The following ZNF695 variants were observed in gnomAD, a reference collection of about 807,000 sequenced individuals.
The protein encoded by ZNF695 is zinc finger protein SBZF3.
Under a neutral mutation model 11.2 loss-of-function variants are expected in ZNF695, and 11 were observed. That is an observed-to-expected ratio of 0.98 (90% CI 0.62 to 1.62). ZNF695 has a LOEUF of 1.62. ZNF695 is among the 40% of genes most tolerant of loss of function. The probability of loss-of-function intolerance (pLI) is 0.00; values close to 1 mark genes in which losing one functional copy is unlikely to be tolerated. For synonymous variants in ZNF695, 190 were observed against 201.4 expected, an observed-to-expected ratio of 0.94 and a Z score of 0.48; for missense variants, 559 against 590.5, an observed-to-expected ratio of 0.95 and a Z score of 0.55.
intron 3 of ZNF695, among the ~76,000 whole-genome samples, chr1:246,994,401 C>T (rs1361260200): frequency 3.3e-5 from 5 of 152,112 alleles, no homozygotes; most frequent in South Asian, 2.1e-4. Context: ...ATTAGCTGGG[C>T]GTGGTGGCAC....
intron 3 of ZNF695, chr1:246,996,058 C>T (rs1307069055): frequency 2.2e-6 from 1 of 452,578 alleles, no homozygotes; most frequent in Non-Finnish European, 4.4e-6. Flanking sequence ...TCAGAATACA[C>T]AAATAGGCTG....
chr1:246,949,254 AT>A (rs1402848061), intron 5 of ZNF695, among the ~76,000 whole-genome samples: 1 of 152,116 alleles, frequency 6.6e-6, no homozygotes, highest in African/African-American at 2.4e-5. Flanking sequence ...GGTTCAATCC[AT>A]TTATGTTGGA....
chr1:246,959,819 A>G (rs889878925), intron 5 of ZNF695, among the ~76,000 whole-genome samples: 18 of 152,168 alleles, frequency 1.2e-4, no homozygotes, highest in African/African-American at 3.6e-4. Context: ...GGAAATTAAC[A>G]GCTAGATGTT....
intron 1 of ZNF695, among the ~76,000 whole-genome samples, chr1:247,005,879 C>T (rs1339817041): frequency 6.6e-6 from 1 of 152,188 alleles, no homozygotes; most frequent in Admixed American, 6.5e-5. Flanking sequence ...AGTGATTATT[C>T]TCTGCTTTCT....
chr1:246,995,877 G>A, intron 3 of ZNF695: 2 of 249,168 alleles, frequency 8.0e-6, no homozygotes, highest in South Asian at 7.4e-5. Context: ...TTGGCATAAA[G>A]GCAGACAGTT....
intron 1 of ZNF695, among the ~76,000 whole-genome samples, chr1:247,007,599 T>C (rs1669578080): frequency 6.6e-6 from 1 of 150,606 alleles, no homozygotes; most frequent in Non-Finnish European, 1.5e-5. Flanking sequence ...AACCCCTCCG[T>C]CATCACAGCA....
intron 5 of ZNF695, among the ~76,000 whole-genome samples, chr1:246,951,382 G>A (rs1667866488): frequency 6.6e-6 from 1 of 152,182 alleles, no homozygotes; most frequent in African/African-American, 2.4e-5. Flanking sequence ...TGGCCACGTC[G>A]AAGGTGGTGG....
intron 5 of ZNF695, among the ~76,000 whole-genome samples, chr1:246,956,396 ACTTGAGGTCAGGAGTTTG>A (rs1668002720): frequency 2.0e-5 from 3 of 150,508 alleles, no homozygotes; most frequent in Non-Finnish European, 4.4e-5. Flanking sequence ...CAGGCAGATC[ACTTGAGGTCAGGAGTTTG>A]AGACCAGCCT....
At chr1:246,990,819 T>C (rs55716934) in intron 3 of ZNF695, among the ~76,000 whole-genome samples, 3,576 of 152,238 alleles carry the variant, frequency 0.023, 137 homozygotes, top group African/African-American at 0.079. Context: ...TTCAAAACTA[T>C]ACAAATACAT....
chr1:246,980,963 T>A (rs995380351), downstream of ZNF695, among the ~76,000 whole-genome samples: 1 of 152,202 alleles, frequency 6.6e-6, no homozygotes, highest in Non-Finnish European at 1.5e-5. Context: ...ATCAATGATA[T>A]GATGAGACAA....
At chr1:246,990,190 GAA>G (rs929719706) in intron 3 of ZNF695, among the ~76,000 whole-genome samples, 6 of 40,770 alleles carry the variant, frequency 1.5e-4, no homozygotes, top group Non-Finnish European at 3.4e-4. Context: ...GGAAAGGAAG[GAA>G]AAGAGAAAGA....
chr1:247,004,241 T>C (rs1669473581), intron 1 of ZNF695, among the ~76,000 whole-genome samples: 1 of 152,016 alleles, frequency 6.6e-6, no homozygotes, highest in Non-Finnish European at 1.5e-5. Flanking sequence ...AGATCACTCA[T>C]GATGACCAAG....
downstream of ZNF695, among the ~76,000 whole-genome samples, chr1:246,980,479 C>T (rs551938978): frequency 1.5e-4 from 22 of 149,038 alleles, no homozygotes; most frequent in South Asian, 2.6e-3. Flanking sequence ...TGCAGTGGCG[C>T]GATCTCAGTA....
At chr1:246,947,986 TG>T (rs1667781417) in intron 5 of ZNF695, among the ~76,000 whole-genome samples, 1 of 152,194 alleles carries the variant, frequency 6.6e-6, no homozygotes, top group African/African-American at 2.4e-5. Context: ...GGAAGGATAA[TG>T]TGGTATTGGG....
At chr1:246,999,255 G>A (rs1669294250) in intron 3 of ZNF695, 93 bp downstream of exon 3, 2 of 984,966 alleles carry the variant, frequency 2.0e-6, no homozygotes, top group Non-Finnish European at 1.6e-6. Flanking sequence ...GCCATTTCCT[G>A]GGAGTAGAGC....
chr1:246,977,287 C>T (rs779448769), intron 4 of ZNF695, among the ~76,000 whole-genome samples: 12 of 152,300 alleles, frequency 7.9e-5, no homozygotes, highest in South Asian at 4.1e-4. Flanking sequence ...GAGACAGAGT[C>T]GGTCTGTCGC....
downstream of ZNF695, among the ~76,000 whole-genome samples, chr1:246,982,199 G>A (rs547957510): frequency 6.6e-6 from 1 of 151,564 alleles, no homozygotes; most frequent in Non-Finnish European, 1.5e-5. Flanking sequence ...GAACCTGGGA[G>A]GCGGAGGTTG....
At chr1:246,965,512 C>T (rs1421872957) in intron 5 of ZNF695, among the ~76,000 whole-genome samples, 1 of 151,946 alleles carries the variant, frequency 6.6e-6, no homozygotes, top group African/African-American at 2.4e-5. Flanking sequence ...TGAGGCAGGC[C>T]GATCGCCTAA....
intron 5 of ZNF695, among the ~76,000 whole-genome samples, chr1:246,953,053 A>G (rs73148612): frequency 6.6e-6 from 1 of 152,078 alleles, no homozygotes; most frequent in Non-Finnish European, 1.5e-5. Context: ...GAGGTTCCCA[A>G]TGGCTGGACT....
Sources: allele counts gnomAD v4.1 joint callset (sites outside exome capture counted in the v4.1 genomes callset), GRCh38; gene constraint gnomAD v4.1.1; transcripts MANE v1.5; gene names NCBI Gene and HGNC (gene_info 2026-07-23, HGNC 2026-07-21).